Variants in ZFAND3 observed in about 807,000 individuals in gnomAD.
The protein encoded by ZFAND3 is AN1-type zinc finger protein 3.
In ZFAND3, 10 loss-of-function variants were observed where a neutral mutation model predicts 29.6. The observed-to-expected ratio is 0.34, with a 90% CI of 0.21 to 0.57. ZFAND3 has a LOEUF of 0.57. Ranked by LOEUF, ZFAND3 falls within the 20% of genes least tolerant of loss-of-function variation. ZFAND3 has a pLI of 0.86. For missense variants in ZFAND3, 230 were observed against 304.5 expected (o/e 0.76, Z 1.82); for synonymous variants, 128 against 112.6 (o/e 1.14, Z -0.87).
chr6:37,938,434 C>T (rs1471930144), intron 2 of ZFAND3, among the ~76,000 whole-genome samples: 1 of 152,040 alleles, frequency 6.6e-6, no homozygotes, highest in Non-Finnish European at 1.5e-5. Context: ...TTATCTAGTC[C>T]CCTGTAGAGG....
intron 1 of ZFAND3, among the ~76,000 whole-genome samples, chr6:37,870,372 C>T (rs1009764849): frequency 4.7e-5 from 7 of 148,434 alleles, no homozygotes; most frequent in African/African-American, 1.5e-4. Context: ...GAGGCCGAGG[C>T]AGGTGGATCA....
chr6:37,887,434 C>T (rs1435562712), intron 1 of ZFAND3, among the ~76,000 whole-genome samples: 1 of 152,094 alleles, frequency 6.6e-6, no homozygotes, highest in East Asian at 1.9e-4. Context: ...ATATTTTAAA[C>T]AAGTTAGGTA....
chr6:38,076,100 GCTACCACCCC>G (rs1764548839), intron 3 of ZFAND3, among the ~76,000 whole-genome samples: 1 of 151,948 alleles, frequency 6.6e-6, no homozygotes. Context: ...TTTTTCAGCA[GCTACCACCCC>G]CTGATCAGTT....
At chr6:37,897,822 T>C (rs1196847648) in intron 1 of ZFAND3, among the ~76,000 whole-genome samples, 12 of 152,210 alleles carry the variant, frequency 7.9e-5, no homozygotes, top group Admixed American at 7.8e-4. Context: ...CAATTTAAAT[T>C]GGGAATCAAC....
chr6:38,061,617 ATGATTCCGC>A lies in ZFAND3; in HGVS notation c.139_147del (p.Asp47_Ala49del). ...GATTTTCAAAAGAAACAGCCAGACG[ATGATTCCGC>A]TCCAAGTACAAGTAACAGCCAATCA... On this transcript the variant is annotated inframe_deletion, in exon 3 of 6. Coordinates refer to ENST00000287218, the MANE Select transcript of ZFAND3 (RefSeq NM_021943.3). 6.2e-7 allele frequency: 1 copy of A among 1,614,182 alleles called. No homozygotes were observed. Among genetic ancestry groups the A allele is most frequent in the Non-Finnish European group, 8.5e-7 (1 of 1,180,026 alleles).
intron 2 of ZFAND3, among the ~76,000 whole-genome samples, chr6:37,952,592 T>C (rs1276752466): frequency 1.3e-5 from 2 of 152,166 alleles, no homozygotes; most frequent in African/African-American, 4.8e-5. Flanking sequence ...TTGGATATTC[T>C]CTCTTGCTGA....
intron 2 of ZFAND3, among the ~76,000 whole-genome samples, chr6:38,001,948 A>G (rs980508962): frequency 6.6e-6 from 1 of 152,138 alleles, no homozygotes; most frequent in Non-Finnish European, 1.5e-5. Flanking sequence ...TATTAGGTGA[A>G]TACAGAGTTT....
chr6:38,040,439 A>G (rs1420134187), intron 2 of ZFAND3, among the ~76,000 whole-genome samples: 1 of 152,152 alleles, frequency 6.6e-6, no homozygotes, highest in Admixed American at 6.5e-5. Context: ...ATTGCACAAC[A>G]TCCTGTTGTA....
At chr6:38,020,432 T>G (rs1276334331) in intron 2 of ZFAND3, among the ~76,000 whole-genome samples, 1 of 152,222 alleles carries the variant, frequency 6.6e-6, no homozygotes, top group Admixed American at 6.5e-5. Flanking sequence ...TACTGTGCTT[T>G]AGTAATACTT....
In ZFAND3 at chr6:37,944,714, A is replaced by G. The variant is rs111734515; in HGVS notation, c.112+14715A>G. Among the ~76,000 whole-genome samples the G allele has an allele frequency of 1.4e-3, 219 of 152,300 alleles. 1 individual carries two copies. The highest frequency in any genetic ancestry group is 4.4e-3 in the African/African-American group (182 of 41,570). On this transcript the variant is annotated intron_variant, in intron 2 of 5. Transcript: ENST00000287218. ...AAGTAATGACAATACTAAGTATTTA[A>G]TATTTTTTCTTTTGGGCTGATACCA... is the stretch of plus-strand genomic sequence containing the variant.
chr6:38,076,899 C>T (rs993429918), intron 3 of ZFAND3, among the ~76,000 whole-genome samples: 1 of 152,174 alleles, frequency 6.6e-6, no homozygotes, highest in African/African-American at 2.4e-5. Flanking sequence ...GTGCATTCTA[C>T]TGTGTACCTG....
At chr6:38,061,238 CT>C (rs1764233358) in intron 2 of ZFAND3, among the ~76,000 whole-genome samples, 1 of 152,128 alleles carries the variant, frequency 6.6e-6, no homozygotes, top group South Asian at 2.1e-4. Context: ...TCTCTGCTGC[CT>C]TTTTCCTTAT....
chr6:38,048,807 T>C (rs1581871489), intron 2 of ZFAND3, among the ~76,000 whole-genome samples: 1 of 152,044 alleles, frequency 6.6e-6, no homozygotes, highest in African/African-American at 2.4e-5. Context: ...TGTCTGATTC[T>C]TTGTGTATTA....
At chr6:38,128,510 A>G (rs2127490239) in intron 5 of ZFAND3, among the ~76,000 whole-genome samples, 1 of 152,210 alleles carries the variant, frequency 6.6e-6, no homozygotes, top group Non-Finnish European at 1.5e-5. Context: ...CTGAGTCTCC[A>G]AAGTCGTTGT....
chr6:38,027,135 G>T (rs1763466616), intron 2 of ZFAND3, among the ~76,000 whole-genome samples: 1 of 152,206 alleles, frequency 6.6e-6, no homozygotes, highest in East Asian at 1.9e-4. Context: ...CAAGTGAAAT[G>T]ATGTTGTCTT....
chr6:37,840,496 A>G (rs1478897329), intron 1 of ZFAND3, among the ~76,000 whole-genome samples: 1 of 152,228 alleles, frequency 6.6e-6, no homozygotes, highest in African/African-American at 2.4e-5. Flanking sequence ...TGTGACTTCT[A>G]CAATTTCATT....
At chr6:37,920,694 T>C (rs1262754670) in intron 1 of ZFAND3, among the ~76,000 whole-genome samples, 1 of 152,240 alleles carries the variant, frequency 6.6e-6, no homozygotes, top group Non-Finnish European at 1.5e-5. Context: ...AATACCCTTA[T>C]TAACAGCTCC....
At chr6:38,046,351 GAA>G (rs2127458203) in intron 2 of ZFAND3, among the ~76,000 whole-genome samples, 1 of 152,296 alleles carries the variant, frequency 6.6e-6, no homozygotes, top group African/African-American at 2.4e-5. Flanking sequence ...TTAAATATTT[GAA>G]AGATAATTTC....
chr6:37,839,367 A>C (rs1764028327), intron 1 of ZFAND3, among the ~76,000 whole-genome samples: 1 of 151,446 alleles, frequency 6.6e-6, no homozygotes. Flanking sequence ...TTTTTAGTAG[A>C]GACGGGGTTT....
Sources: gnomAD v4.1 joint callset for allele counts (sites outside exome capture counted in the v4.1 genomes callset) on GRCh38, gnomAD v4.1.1 for gene constraint, MANE v1.5 for transcripts, NCBI Gene and HGNC (gene_info 2026-07-23, HGNC 2026-07-21) for gene names.